Variants in CDH18 observed in about 807,000 individuals in gnomAD.
The protein encoded by CDH18 is cadherin-18.
A neutral mutation model predicts 67.9 loss-of-function variants in CDH18; 31 were observed. That is an observed-to-expected ratio of 0.46 (90% CI 0.34 to 0.62). The LOEUF (loss-of-function observed/expected upper bound fraction) is 0.62, where lower values mean the gene tolerates loss of function less well. Ranked by LOEUF, CDH18 falls within the 20% of genes least tolerant of loss-of-function variation. The pLI, the probability that CDH18 is intolerant of heterozygous loss-of-function variation, is 0.01. For synonymous variants in CDH18, 362 were observed against 347.2 expected (o/e 1.04, Z -0.48); for missense variants, 890 against 975.5 (o/e 0.91, Z 1.17).
At chr5:20,464,914 G>A (rs1751535259) in intron 1 of CDH18, among the ~76,000 whole-genome samples, 1 of 152,102 alleles carries the variant, frequency 6.6e-6, no homozygotes, top group Non-Finnish European at 1.5e-5. Flanking sequence ...AAAACTCACA[G>A]ACATGAACAG....
rs553569402 is a variant in CDH18 at position 19,917,627 on chromosome 5, G to A, written c.-257+63433C>T. Among the ~76,000 whole-genome samples the A allele has an allele frequency of 8.5e-5, 13 of 152,070 alleles. No individual in the cohort carries two copies. In the East Asian group the frequency reaches 9.6e-4, roughly 11 times the overall value. On this transcript the variant is annotated intron_variant, in intron 2 of 12. Transcript: ENST00000382275. ...AAAGATAGCAAGTGGTATTCATTCC[G>A]TGTATCGCTCATGGGTCAACCAGAG...
intron 1 of CDH18, among the ~76,000 whole-genome samples, chr5:20,330,981 C>T (rs956760932): frequency 6.6e-6 from 1 of 152,180 alleles, no homozygotes; most frequent in African/African-American, 2.4e-5. Flanking sequence ...GCTGTAGACC[C>T]ATATGTATTT....
intron 4 of CDH18, among the ~76,000 whole-genome samples, chr5:19,733,717 A>G (rs1469573904): frequency 6.6e-6 from 1 of 152,174 alleles, no homozygotes; most frequent in African/African-American, 2.4e-5. Context: ...CATGGGCAAG[A>G]GCAGGGTAAA....
intron 5 of CDH18, among the ~76,000 whole-genome samples, chr5:19,699,542 C>T (rs1172108830): frequency 2.6e-5 from 4 of 151,914 alleles, no homozygotes; most frequent in African/African-American, 9.7e-5. Context: ...AGGGTAAGCC[C>T]TCACGAATGG....
chr5:19,545,671 AC>A (rs1291155738), intron 8 of CDH18, among the ~76,000 whole-genome samples: 8 of 152,200 alleles, frequency 5.3e-5, no homozygotes, highest in African/African-American at 1.9e-4. Flanking sequence ...CACGTGTTTG[AC>A]CTACTATTTA....
chr5:20,214,710 A>G (rs1740622903), intron 2 of CDH18, among the ~76,000 whole-genome samples: 1 of 152,092 alleles, frequency 6.6e-6, no homozygotes, highest in South Asian at 2.1e-4. Context: ...TTAAAAACTT[A>G]AATGTAAAAC....
At chr5:20,465,325 AG>A (rs1751563349) in intron 1 of CDH18, among the ~76,000 whole-genome samples, 1 of 152,086 alleles carries the variant, frequency 6.6e-6, no homozygotes, top group African/African-American at 2.4e-5. Context: ...TAATAATAAC[AG>A]CATGATCAAC....
Position 19,662,642 on chromosome 5 carries a change from G to A in CDH18, c.644-50041C>T, listed in dbSNP as rs538211754. 2.0e-4 allele frequency among the ~76,000 whole-genome samples: 31 copies of A among 152,014 alleles called. 1 individual carries two copies. The highest frequency in any genetic ancestry group is 1.6e-3 in the Admixed American group (25 of 15,226). ...ACTATGCAATTAATAACAATCTGAT[G>A]AGCCACAAACCACATATGTGCAGCA... On this transcript the variant is annotated intron_variant, in intron 5 of 12. Transcript: ENST00000382275.
chr5:20,344,174 C>T (rs945296045), intron 1 of CDH18, among the ~76,000 whole-genome samples: 1 of 152,058 alleles, frequency 6.6e-6, no homozygotes, highest in African/African-American at 2.4e-5. Context: ...TTTATCAATC[C>T]TTTCACCTAG....
At chr5:20,354,714 A>T (rs1175902176) in intron 1 of CDH18, among the ~76,000 whole-genome samples, 1 of 152,012 alleles carries the variant, frequency 6.6e-6, no homozygotes, top group African/African-American at 2.4e-5. Flanking sequence ...GCCTGTCTCA[A>T]CTCCTAAGCT....
intron 2 of CDH18, among the ~76,000 whole-genome samples, chr5:19,994,692 C>T (rs1196541153): frequency 2.1e-5 from 2 of 95,424 alleles, no homozygotes; most frequent in Non-Finnish European, 3.9e-5. Flanking sequence ...CAAATGCTAA[C>T]CTCTTCCAGT....
intron 1 of CDH18, among the ~76,000 whole-genome samples, chr5:20,468,583 A>T (rs1409937463): frequency 1.3e-5 from 2 of 152,094 alleles, no homozygotes; most frequent in Non-Finnish European, 1.5e-5. Context: ...CTTTTTCTAC[A>T]TTTCCCAATA....
chr5:20,066,711 A>G (rs1743009508), intron 2 of CDH18, among the ~76,000 whole-genome samples: 1 of 152,060 alleles, frequency 6.6e-6, no homozygotes, highest in Admixed American at 6.6e-5. Context: ...AAGTAGGTAT[A>G]TAGACTTAAG....
At position 19,571,694 on chromosome 5, in the gene CDH18, G is replaced by A; in HGVS notation, c.1138C>T (p.Pro380Ser). The A allele has an allele frequency of 6.2e-7, 1 of 1,613,874 alleles. No homozygotes were observed. Among genetic ancestry groups the A allele is most frequent in the Non-Finnish European group, 8.5e-7 (1 of 1,179,886 alleles). ...LKIIVGDVDE[P>S]PLFSMPSYLM... ...TAGGAAGGCATGGAAAATAGTGGTG[G>A]TTCATCTACATCCCCAACAATGATC... Residue 380 changes from proline to serine, a missense_variant, in exon 8 of 13, where the codon CCA becomes TCA. Pro to Ser is a moderately conservative substitution (Grantham distance 74). Around this residue, in one of 2 missense-constraint regions of CDH18, gnomAD observed 656 missense variants for 668.1 expected, o/e 0.98. Transcript: ENST00000382275.
Position 19,473,465 on chromosome 5 carries a change from C to A in CDH18, c.2134G>T (p.Val712Phe), listed in dbSNP as rs1407858201. Reference sequence around the variant, plus strand: ...AGTCTTTGCTTAATAAATTCCTGAACATCTATGCTTTCCAGGGTGGATGAT... The same window carrying A: ...AGTCTTTGCTTAATAAATTCCTGAAAATCTATGCTTTCCAGGGTGGATGAT... Reference protein sequence around the residue: ...QTSSTLESIDVQEFIKQRLAE... With the variant: ...QTSSTLESIDFQEFIKQRLAE... The change falls in exon 13 of 13, where the codon GTT (valine) becomes TTT (phenylalanine). Residue 712 changes from valine to phenylalanine, a missense_variant. Around this residue, in one of 2 missense-constraint regions of CDH18, gnomAD observed 656 missense variants for 668.1 expected, o/e 0.98. Transcript: ENST00000382275. 1.9e-6 allele frequency: 3 copies of A among 1,613,730 alleles called. No homozygotes were observed. The South Asian group carries it at 3.3e-5, about 18-fold the overall frequency.
intron 2 of CDH18, among the ~76,000 whole-genome samples, chr5:20,071,468 C>G (rs1743475182): frequency 6.6e-6 from 1 of 151,836 alleles, no homozygotes; most frequent in South Asian, 2.1e-4. Flanking sequence ...TTGGTACAAC[C>G]ACAAAGAAAT....
intron 1 of CDH18, among the ~76,000 whole-genome samples, chr5:20,438,718 C>T (rs1205401449): frequency 6.6e-6 from 1 of 151,316 alleles, no homozygotes. Context: ...TAGAAGGCTG[C>T]TACATGTACC....
chr5:19,586,833 A>G (rs1408106777), intron 7 of CDH18, among the ~76,000 whole-genome samples: 1 of 152,138 alleles, frequency 6.6e-6, no homozygotes, highest in Admixed American at 6.6e-5. Context: ...CAGCAGTGTA[A>G]AAGTGTTCCT....
At chr5:19,708,454 A>C (rs553694293) in intron 5 of CDH18, among the ~76,000 whole-genome samples, 1 of 152,050 alleles carries the variant, frequency 6.6e-6, no homozygotes, top group African/African-American at 2.4e-5. Context: ...GCAAAAAAAA[A>C]GGGGGGGACA....
Sources: gnomAD v4.1 joint callset for allele counts (sites outside exome capture counted in the v4.1 genomes callset) on GRCh38, gnomAD v4.1.1 for gene constraint, gnomAD v4.1.1 regional missense constraint, MANE v1.5 for transcripts, NCBI Gene and HGNC (gene_info 2026-07-23, HGNC 2026-07-21) for gene names.